DMRT1: variants seen among roughly 807,000 people sequenced by gnomAD.
DMRT1 encodes doublesex- and mab-3-related transcription factor 1.
In DMRT1, 7 loss-of-function variants were observed where a neutral mutation model predicts 32.3. The observed-to-expected ratio is 0.22, with a 90% CI of 0.12 to 0.41. The LOEUF (loss-of-function observed/expected upper bound fraction) is 0.41, where lower values mean the gene tolerates loss of function less well. Ranked by LOEUF, DMRT1 falls within the 10% of genes least tolerant of loss-of-function variation. The pLI is 1.00. For missense variants in DMRT1, 625 were observed against 500.5 expected (o/e 1.25, Z -2.37); for synonymous variants, 278 against 206.1 (o/e 1.35, Z -2.99).
intron 3 of DMRT1, among the ~76,000 whole-genome samples, chr9:902,154 C>T (rs894982228): frequency 2.0e-5 from 3 of 151,842 alleles, no homozygotes; most frequent in Non-Finnish European, 4.4e-5. Flanking sequence ...AGGTGATCCG[C>T]CCCCCTCAGC....
At chr9:938,306 A>G in intron 4 of DMRT1, among the ~76,000 whole-genome samples, 1 of 152,186 alleles carries the variant, frequency 6.6e-6, no homozygotes, top group South Asian at 2.1e-4. Flanking sequence ...CTATTTATGC[A>G]AAAAACAGAT....
At chr9:877,032 C>T (rs1998437) in intron 2 of DMRT1, among the ~76,000 whole-genome samples, 2,252 of 129,730 alleles carry the variant, frequency 0.017, 18 homozygotes, top group East Asian at 0.043. Flanking sequence ...TGTCCTCAGA[C>T]TTGCCACTTG....
At chr9:876,108 C>T (rs1446631956) in intron 2 of DMRT1, among the ~76,000 whole-genome samples, 1 of 152,178 alleles carries the variant, frequency 6.6e-6, no homozygotes, top group Non-Finnish European at 1.5e-5. Context: ...CCTAGGGACA[C>T]AATTGAGAGC....
intron 2 of DMRT1, among the ~76,000 whole-genome samples, chr9:883,500 C>G (rs538786777): frequency 6.6e-6 from 1 of 151,816 alleles, no homozygotes; most frequent in Non-Finnish European, 1.5e-5. Context: ...CCCCGACCCC[C>G]AAAAGGAGAG....
At chr9:952,812 G>T (rs1044184971) in intron 4 of DMRT1, among the ~76,000 whole-genome samples, 1 of 152,152 alleles carries the variant, frequency 6.6e-6, no homozygotes, top group Non-Finnish European at 1.5e-5. Flanking sequence ...CAGTGCCTGG[G>T]CATTTAAATA....
chr9:921,993 A>C (rs1818368882), intron 4 of DMRT1, among the ~76,000 whole-genome samples: 1 of 151,934 alleles, frequency 6.6e-6, no homozygotes, highest in Admixed American at 6.6e-5. Flanking sequence ...TAATCCTCCC[A>C]CCTCAGCCTC....
chr9:916,297 C>T (rs1281055038), intron 3 of DMRT1, among the ~76,000 whole-genome samples: 1 of 152,014 alleles, frequency 6.6e-6, no homozygotes. Context: ...CATCATAGTT[C>T]TAGGCCCAGT....
At chr9:891,052 A>G (rs928319130) in intron 2 of DMRT1, among the ~76,000 whole-genome samples, 1 of 151,964 alleles carries the variant, frequency 6.6e-6, no homozygotes, top group African/African-American at 2.4e-5. Flanking sequence ...TAGAAAAGTG[A>G]AACAAGGCCA....
chr9:879,577 C>T (rs571497391), intron 2 of DMRT1, among the ~76,000 whole-genome samples: 1 of 152,168 alleles, frequency 6.6e-6, no homozygotes, highest in Non-Finnish European at 1.5e-5. Flanking sequence ...TAGCCTTTTA[C>T]ATCATTGTCA....
intron 4 of DMRT1, among the ~76,000 whole-genome samples, chr9:956,591 A>C (rs11795290): frequency 6.6e-6 from 1 of 151,858 alleles, no homozygotes; most frequent in Non-Finnish European, 1.5e-5. Flanking sequence ...AAAACAAAAA[A>C]CCCAAAATTT....
At chr9:937,834 G>A (rs901429283) in intron 4 of DMRT1, among the ~76,000 whole-genome samples, 5 of 148,366 alleles carry the variant, frequency 3.4e-5, no homozygotes, top group African/African-American at 4.9e-5. Context: ...TTGCACAAAA[G>A]TTTTTTTTTT....
chr9:879,029 C>G (rs1227365216), intron 2 of DMRT1, among the ~76,000 whole-genome samples: 2 of 152,130 alleles, frequency 1.3e-5, no homozygotes, highest in East Asian at 3.8e-4. Flanking sequence ...ATATTTCAGA[C>G]ATAAGGATAA....
intron 2 of DMRT1, among the ~76,000 whole-genome samples, chr9:862,720 C>T (rs1362872957): frequency 6.6e-6 from 1 of 151,942 alleles, no homozygotes; most frequent in African/African-American, 2.4e-5. Flanking sequence ...ACTGGGGGTA[C>T]GTTGAAGTGT....
chr9:862,815 A>G (rs1815779592), intron 2 of DMRT1, among the ~76,000 whole-genome samples: 1 of 152,094 alleles, frequency 6.6e-6, no homozygotes, highest in African/African-American at 2.4e-5. Context: ...GGGTTTTCCT[A>G]GTTAGGTGAG....
chr9:943,664 ACTT>A (rs1029440374), intron 4 of DMRT1, among the ~76,000 whole-genome samples: 30 of 152,244 alleles, frequency 2.0e-4, no homozygotes, highest in African/African-American at 2.6e-4. Flanking sequence ...AGCGAAATGG[ACTT>A]CTTCTTCTGC....
chr9:912,241 A>T (rs1818016638), intron 3 of DMRT1, among the ~76,000 whole-genome samples: 1 of 152,220 alleles, frequency 6.6e-6, no homozygotes. Flanking sequence ...CGCCCCCATG[A>T]TCCAATCACC....
intron 4 of DMRT1, among the ~76,000 whole-genome samples, chr9:926,709 G>A (rs1035887345): frequency 2.0e-5 from 3 of 152,160 alleles, no homozygotes; most frequent in Admixed American, 2.0e-4. Flanking sequence ...GAGAGAGAGA[G>A]AGAGAGAGAA....
At chr9:887,291 G>A (rs150273845) in intron 2 of DMRT1, among the ~76,000 whole-genome samples, 1,868 of 152,230 alleles carry the variant, frequency 0.012, 31 homozygotes, top group African/African-American at 0.043. Context: ...CCTTTACTAC[G>A]GCCTCCTTGT....
chr9:887,972 A>C (rs377598766), intron 2 of DMRT1, among the ~76,000 whole-genome samples: 6 of 152,344 alleles, frequency 3.9e-5, no homozygotes, highest in African/African-American at 1.4e-4. Flanking sequence ...ATAAAAATAC[A>C]ACTTAAGGTC....
Sources: gnomAD v4.1 joint callset for allele counts (sites outside exome capture counted in the v4.1 genomes callset) on GRCh38, gnomAD v4.1.1 for gene constraint, MANE v1.5 for transcripts, NCBI Gene and HGNC (gene_info 2026-07-23, HGNC 2026-07-21) for gene names.